Variants in CPPED1 observed in about 807,000 individuals in gnomAD.
CPPED1 encodes the protein serine/threonine-protein phosphatase CPPED1.
CPPED1 carries 28 observed loss-of-function variants against 28.0 expected under a neutral mutation model. That is an observed-to-expected ratio of 1.00 (90% CI 0.74 to 1.37). CPPED1 has a LOEUF of 1.37. CPPED1 is among the 40% of genes most tolerant of loss of function. The pLI, the probability that CPPED1 is intolerant of heterozygous loss-of-function variation, is 0.00. For synonymous variants in CPPED1, 198 were observed against 180.2 expected (o/e 1.10, Z -0.79); for missense variants, 504 against 416.5 (o/e 1.21, Z -1.83).
At chr16:12,687,079 C>G (rs1255453775) in intron 3 of CPPED1, among the ~76,000 whole-genome samples, 3 of 152,098 alleles carry the variant, frequency 2.0e-5, no homozygotes, top group Admixed American at 1.3e-4. Context: ...GTATCATAAT[C>G]TCAATTTTGC....
Position 12,734,521 on chromosome 16 carries a change from G to A in CPPED1, c.290-29472C>T, listed in dbSNP as rs868661619. 9.9e-5 allele frequency among the ~76,000 whole-genome samples: 15 copies of A among 152,042 alleles called. 1 individual carries two copies. Among genetic ancestry groups the A allele is most frequent in the South Asian group, 4.1e-4 (2 of 4,826 alleles). ...CAGCCTCCCAAGTAGCTGGGACTAC[G>A]GGCGCCAGCCACTGTCCCCGGCTAA... On this transcript the variant is annotated intron_variant, in intron 2 of 3. Coordinates refer to ENST00000381774, the MANE Select transcript of CPPED1 (RefSeq NM_018340.3).
At chr16:12,736,346 A>AT (rs2080226820) in intron 2 of CPPED1, among the ~76,000 whole-genome samples, 2 of 151,014 alleles carry the variant, frequency 1.3e-5, no homozygotes, top group Non-Finnish European at 2.9e-5. Flanking sequence ...CCCAGGTTCG[A>AT]GTGATTCTCA....
At chr16:12,754,904 CAGG>C (rs1273607254) in intron 2 of CPPED1, among the ~76,000 whole-genome samples, 1 of 152,076 alleles carries the variant, frequency 6.6e-6, no homozygotes, top group Non-Finnish European at 1.5e-5. Flanking sequence ...CCCAGCTATT[CAGG>C]AGCTGAGGTG....
intron 2 of CPPED1, among the ~76,000 whole-genome samples, chr16:12,736,172 CTGTAGACTG>C (rs1311186863): frequency 2.0e-5 from 3 of 151,894 alleles, no homozygotes; most frequent in Non-Finnish European, 4.4e-5. Context: ...CAGAAGTGGG[CTGTAGACTG>C]TGTAGATCAT....
At chr16:12,675,339 T>G (rs532152308) in intron 3 of CPPED1, among the ~76,000 whole-genome samples, 96 of 152,350 alleles carry the variant, frequency 6.3e-4, no homozygotes, top group Non-Finnish European at 8.7e-4. Flanking sequence ...GGCATCTTTT[T>G]AAATTACTGC....
In CPPED1 at chr16:12,682,565, G is replaced by A. The variant is rs996686381; in HGVS notation, c.716-17450C>T. Among the ~76,000 whole-genome samples the A allele has an allele frequency of 1.3e-5, 2 of 152,136 alleles. No individual in the cohort carries two copies. The highest frequency in any genetic ancestry group is 6.5e-5 in the Admixed American group (1 of 15,274). On this transcript the variant is annotated intron_variant, in intron 3 of 3. Transcript: ENST00000381774. This position sits in a 1 kb window ranked among gnomAD's most constrained non-coding sequence, Gnocchi z 6.1. ...TTGCTGAGCTGTGTAGGTGTGGCATGGGCAGCAACATATCTGAACTCCTCA... is the reference window on the plus strand; with the variant it reads ...TTGCTGAGCTGTGTAGGTGTGGCATAGGCAGCAACATATCTGAACTCCTCA...
chr16:12,717,560 G>A (rs115039538), intron 2 of CPPED1, among the ~76,000 whole-genome samples: 5,144 of 152,144 alleles, frequency 0.034, 130 homozygotes, highest in East Asian at 0.1. Flanking sequence ...CACCGTGCCC[G>A]GCTGGGATCA....
Position 12,694,229 on chromosome 16 carries a change from C to A in CPPED1, c.715+10395G>T, listed in dbSNP as rs150035441. ...ACAAAAAACAAAAGAACAGAAAAACCCAGACATTTTTAGTTGAAGAGCAAT... is the reference window on the plus strand; with the variant it reads ...ACAAAAAACAAAAGAACAGAAAAACACAGACATTTTTAGTTGAAGAGCAAT... On this transcript the variant is annotated intron_variant, in intron 3 of 3. Coordinates refer to ENST00000381774, the MANE Select transcript of CPPED1 (RefSeq NM_018340.3). 2.1e-3 allele frequency among the ~76,000 whole-genome samples: 320 copies of A among 152,100 alleles called. 1 individual carries two copies. Among genetic ancestry groups the A allele is most frequent in the African/African-American group, 6.9e-3 (287 of 41,510 alleles).
At chr16:12,731,660 C>T (rs866966882) in intron 2 of CPPED1, among the ~76,000 whole-genome samples, 2 of 150,916 alleles carry the variant, frequency 1.3e-5, no homozygotes, top group Admixed American at 6.6e-5. Flanking sequence ...TGGTGAAGGC[C>T]GTGGGCGAGA....
chr16:12,769,174 ACTG>A (rs546975764), intron 2 of CPPED1, among the ~76,000 whole-genome samples: 267 of 152,086 alleles, frequency 1.8e-3, no homozygotes, highest in African/African-American at 6.2e-3. Flanking sequence ...CTTAAACTCA[ACTG>A]CTATTTTGAA....
chr16:12,776,282 C>T (rs941606513), intron 2 of CPPED1, among the ~76,000 whole-genome samples: 6 of 152,264 alleles, frequency 3.9e-5, no homozygotes, highest in Admixed American at 6.5e-5. Flanking sequence ...AGGAACACAC[C>T]GCTGCAGGTT....
chr16:12,747,314 C>T (rs896839479), intron 2 of CPPED1, among the ~76,000 whole-genome samples: 1 of 151,912 alleles, frequency 6.6e-6, no homozygotes, highest in Non-Finnish European at 1.5e-5. Flanking sequence ...CATCTGTAGT[C>T]CCAGCTACTC....
At chr16:12,759,752 T>C (rs1249833341) in intron 2 of CPPED1, among the ~76,000 whole-genome samples, 1 of 152,214 alleles carries the variant, frequency 6.6e-6, no homozygotes, top group African/African-American at 2.4e-5. Flanking sequence ...TTGTGCTCTC[T>C]CTCCTGACGC....
rs143409742 is a variant in CPPED1 at position 12,664,868 on chromosome 16, C to T, written c.*18G>A. 3.2e-4 allele frequency: 509 copies of T among 1,607,658 alleles called. 3 individuals carry two copies. In the African/African-American group the frequency reaches 5.7e-3, roughly 18 times the overall value. Reference sequence around the variant, plus strand: ...AAAAATAGTGCAAGTGAAAAGTGAACGGGAACGGGAAGGAGCGTCATTTTT... The same window carrying T: ...AAAAATAGTGCAAGTGAAAAGTGAATGGGAACGGGAAGGAGCGTCATTTTT... On this transcript the variant is annotated 3_prime_UTR_variant, in exon 4 of 4. Coordinates refer to ENST00000381774, the MANE Select transcript of CPPED1 (RefSeq NM_018340.3). This position sits in a 1 kb window ranked among gnomAD's most constrained non-coding sequence, Gnocchi z 4.2.
intron 3 of CPPED1, among the ~76,000 whole-genome samples, chr16:12,666,337 A>C (rs770334038): frequency 2.6e-5 from 4 of 152,116 alleles, no homozygotes; most frequent in Non-Finnish European, 5.9e-5. Context: ...TGTCACCGGG[A>C]GTTCAGCTCT....
chr16:12,734,596 G>A (rs1157912471), intron 2 of CPPED1, among the ~76,000 whole-genome samples: 1 of 151,990 alleles, frequency 6.6e-6, no homozygotes, highest in Non-Finnish European at 1.5e-5. Context: ...AGCCAGGATG[G>A]TCTTGATCTC....
intron 3 of CPPED1, among the ~76,000 whole-genome samples, chr16:12,700,685 C>A (rs573375730): frequency 2.6e-5 from 4 of 152,318 alleles, no homozygotes; most frequent in African/African-American, 9.6e-5. Flanking sequence ...AACTACCACA[C>A]CTGGCCCAAA....
intron 2 of CPPED1, among the ~76,000 whole-genome samples, chr16:12,761,777 G>A (rs1221620966): frequency 2.6e-5 from 4 of 152,260 alleles, no homozygotes; most frequent in Admixed American, 6.5e-5. Context: ...TTGGGAGGCC[G>A]AGGCGGGCGG....
chr16:12,781,702 A>G (rs1380355066), intron 1 of CPPED1, among the ~76,000 whole-genome samples: 1 of 152,196 alleles, frequency 6.6e-6, no homozygotes, highest in African/African-American at 2.4e-5. Context: ...GGGCCACAAG[A>G]GAACCCAATG....
Sources: allele counts gnomAD v4.1 joint callset (sites outside exome capture counted in the v4.1 genomes callset), GRCh38; gene constraint gnomAD v4.1.1; non-coding constraint Gnocchi (gnomAD v3.1); transcripts MANE v1.5; gene names NCBI Gene and HGNC (gene_info 2026-07-23, HGNC 2026-07-21).